Variants in MTRR observed in about 807,000 individuals in gnomAD.
MTRR encodes methionine synthase reductase.
Under a neutral mutation model 79.2 loss-of-function variants are expected in MTRR, and 63 were observed. The observed-to-expected ratio is 0.80, with a 90% CI of 0.65 to 0.98. The LOEUF is 0.98. Ranked by LOEUF, MTRR falls within the 50% of genes least tolerant of loss-of-function variation. MTRR has a pLI of 0.00. For synonymous variants in MTRR, 355 were observed against 313.3 expected (o/e 1.13, Z -1.41); for missense variants, 895 against 839.6 (o/e 1.07, Z -0.82).
intron 10 of MTRR, among the ~76,000 whole-genome samples, chr5:7,892,390 A>G (rs544474760): frequency 6.6e-6 from 1 of 152,314 alleles, no homozygotes; most frequent in East Asian, 1.9e-4. Context: ...ATTTGTTAGA[A>G]TTTATCCCCA....
chr5:7,891,360 AT>A lies in MTRR; in HGVS notation c.1328-5del. 3 of 1,243,334 alleles carry A rather than the reference AT, an allele frequency of 2.4e-6. No individual in the cohort carries two copies. Among genetic ancestry groups the A allele is most frequent in the South Asian group, 3.3e-5 (2 of 60,350 alleles). 77.0% of individuals were successfully genotyped at this position (1,243,334 alleles called of 1,614,324 possible). A position where few individuals can be genotyped will look rare whatever the true frequency, so the allele number is the denominator to read the frequency against. ...AGTGAATTAATAATTGCTTGTTTTT[AT>A]TTTTTTCTAGAACATCTTCCTAAAC... On this transcript the variant is annotated splice_polypyrimidine_tract_variant and intron_variant, in intron 9 of 14. Transcript: ENST00000440940.
intron 12 of MTRR, chr5:7,896,398 C>T (rs3776455): frequency 0.59 from 121,219 of 205,040 alleles, 37,251 homozygotes; most frequent in Non-Finnish European, 0.66. Flanking sequence ...TCCTGTCCTT[C>T]GGACAGTTAT....
chr5:7,894,908 A>G (rs932436230), intron 11 of MTRR, among the ~76,000 whole-genome samples: 5 of 152,246 alleles, frequency 3.3e-5, no homozygotes, highest in Non-Finnish European at 7.3e-5. Context: ...AAAGAAGGCT[A>G]ATGTAATGTT....
At chr5:7,869,658 C>G (rs1321063740) in intron 1 of MTRR, 2 of 212,264 alleles carry the variant, frequency 9.4e-6, no homozygotes, top group East Asian at 3.2e-4. Flanking sequence ...GCTCTGCCCA[C>G]CGCCTCCGCG....
At chr5:7,898,779 ATAG>A (rs1430242658) in intron 14 of MTRR, among the ~76,000 whole-genome samples, 1 of 152,338 alleles carries the variant, frequency 6.6e-6, no homozygotes, top group East Asian at 1.9e-4. Flanking sequence ...AGTTCCTAAC[ATAG>A]TAGAGTCTTG....
At chr5:7,889,051 A>G in intron 8 of MTRR, 44 bp from the exon 9 acceptor site, 3 of 1,609,864 alleles carry the variant, frequency 1.9e-6, no homozygotes, top group East Asian at 2.2e-5. Flanking sequence ...TAATAGCTCT[A>G]CCCACAAATT....
chr5:7,895,483 A>G (rs1206686513), intron 11 of MTRR, among the ~76,000 whole-genome samples: 1 of 152,196 alleles, frequency 6.6e-6, no homozygotes, highest in Non-Finnish European at 1.5e-5. Context: ...TTAGAGTTCT[A>G]CCTCAAAGAC....
At chr5:7,865,697 A>T (rs1746896595), upstream of MTRR, among the ~76,000 whole-genome samples, 1 of 152,208 alleles carries the variant, frequency 6.6e-6, no homozygotes, top group Admixed American at 6.5e-5. Flanking sequence ...AAGAAATCTT[A>T]AACAGCAGGA....
At chr5:7,870,195 C>T (rs1457560147) in intron 1 of MTRR, 2 of 464,174 alleles carry the variant, frequency 4.3e-6, no homozygotes, top group Non-Finnish European at 5.7e-6. Flanking sequence ...TTTTGATTTG[C>T]ATTAAATAAT....
chr5:7,862,874 C>T lies in MTRR; in HGVS notation n.498+817C>T, dbSNP rs145277052. On this transcript the variant is annotated intron_variant and non_coding_transcript_variant, in intron 2 of 3. Coordinates refer to the MTRR transcript ENST00000502509. ...ACTTTTGGAGCAAAATATAATCTTG[C>T]TCCTAAAAGGTTAGTCAGCCCAATC... 1.5e-3 allele frequency: 2,361 copies of T among 1,613,952 alleles called. 1 individual carries two copies. The highest frequency in any genetic ancestry group is 4.8e-3 in the Admixed American group (290 of 59,994).
intron 7 of MTRR, among the ~76,000 whole-genome samples, chr5:7,886,249 AT>A (rs1174403491): frequency 1.3e-5 from 2 of 152,048 alleles, no homozygotes; most frequent in Admixed American, 6.5e-5. Flanking sequence ...GAAGTTATTT[AT>A]TTTTCAAAAT....
chr5:7,866,336 T>A (rs370293793), upstream of MTRR, among the ~76,000 whole-genome samples: 9,755 of 150,942 alleles, frequency 0.065, 402 homozygotes, highest in Middle Eastern at 0.13. Flanking sequence ...AAAGATACAG[T>A]TGCTCACTCA....
intron 5 of MTRR, among the ~76,000 whole-genome samples, chr5:7,879,585 C>T (rs1735231313): frequency 6.6e-6 from 1 of 150,532 alleles, no homozygotes; most frequent in South Asian, 2.1e-4. Flanking sequence ...TTAAGAGAGA[C>T]AATATAAATA....
chr5:7,866,720 C>G, upstream of MTRR: 2 of 1,613,354 alleles, frequency 1.2e-6, no homozygotes, highest in Non-Finnish European at 1.7e-6. Context: ...ATTAAGTGAA[C>G]ATGAATGAAG....
intron 9 of MTRR, chr5:7,890,181 A>G (rs1315025644): frequency 1.1e-5 from 9 of 846,968 alleles, no homozygotes; most frequent in Non-Finnish European, 1.3e-5. Context: ...TTGGGCCAGC[A>G]AGATCCTTTT....
At chr5:7,896,028 T>G (rs1738451884) in intron 12 of MTRR, among the ~76,000 whole-genome samples, 176 bp downstream of exon 12, 1 of 152,262 alleles carries the variant, frequency 6.6e-6, no homozygotes, top group South Asian at 2.1e-4. Context: ...GTAGAGATTG[T>G]GCTTTGTACT....
chr5:7,859,497 A>T (rs543899644), intron 1 of MTRR: 1 of 1,606,772 alleles, frequency 6.2e-7, no homozygotes, highest in African/African-American at 1.3e-5. Flanking sequence ...TATTCCACCA[A>T]TTCACGTCTT....
At chr5:7,873,311 G>T in intron 2 of MTRR, 62 bp from the exon 3 acceptor site, 2 of 1,596,198 alleles carry the variant, frequency 1.3e-6, no homozygotes, top group South Asian at 2.2e-5. Flanking sequence ...TTGCTTTGCT[G>T]CTGAGTTAAA....
At chr5:7,890,991 ACCTCCCTGCAGAAAACTGCG>A (rs1237301223) in intron 9 of MTRR, among the ~76,000 whole-genome samples, 2 of 4,570 alleles carry the variant, frequency 4.4e-4, no homozygotes, top group African/African-American at 3.6e-3. Context: ...AAAACTGGGC[ACCTCCCTGCAGAAAACTGCG>A]CACCTCCCTG....
Sources: gnomAD v4.1 joint callset for allele counts (sites outside exome capture counted in the v4.1 genomes callset) on GRCh38, gnomAD v4.1.1 for gene constraint, MANE v1.5 for transcripts, NCBI Gene and HGNC (gene_info 2026-07-23, HGNC 2026-07-21) for gene names.